The following PLPPR4 variants were observed in gnomAD, a reference collection of about 807,000 sequenced individuals.
PLPPR4 encodes the protein phospholipid phosphatase-related protein type 4.
Under a neutral mutation model 56.6 loss-of-function variants are expected in PLPPR4, and 24 were observed. That is an observed-to-expected ratio of 0.42 (90% confidence interval 0.31 to 0.60). The LOEUF (loss-of-function observed/expected upper bound fraction) is 0.60. Ranked by LOEUF, PLPPR4 falls within the 20% of genes least tolerant of loss-of-function variation. The pLI is 0.13. For missense variants in PLPPR4, 654 were observed against 885.8 expected (o/e 0.74, Z 3.32); for synonymous variants, 326 against 328.1 (o/e 0.99, Z 0.07).
At chr1:99,292,186 A>T (rs950699951) in intron 2 of PLPPR4, among the ~76,000 whole-genome samples, 1 of 152,138 alleles carries the variant, frequency 6.6e-6, no homozygotes, top group African/African-American at 2.4e-5. Flanking sequence ...AGGGTATTTT[A>T]TCAAGTTGCT....
chr1:99,262,942 C>T (rs1174899062), upstream of PLPPR4, among the ~76,000 whole-genome samples: 7 of 152,080 alleles, frequency 4.6e-5, no homozygotes, highest in African/African-American at 1.4e-4. Flanking sequence ...CCAGTCTAGG[C>T]AAGAGATGGC....
At position 99,305,785 on chromosome 1, in the gene PLPPR4, G is replaced by A. The variant is rs1165082454; in HGVS notation, c.923G>A (p.Arg308Gln). ...ACAGACCTCAATCAAGATCCCAACC[G>A]ACTTTTATCTGCTAAAAATGGTAGC... ...SLTDLNQDPN[R>Q]LLSAKNGSSS... The change falls in exon 7 of 7, where the codon CGA becomes CAA. Residue 308 changes from arginine (R) to glutamine (Q), a missense_variant. Arg to Gln is a conservative substitution (Grantham distance 43). This residue lies in a region of PLPPR4 where 468 missense variants were observed against 554.3 expected (regional missense o/e 0.84). Coordinates refer to ENST00000370185, the MANE Select transcript of PLPPR4 (RefSeq NM_014839.5). 4 of 1,613,922 alleles carry A rather than the reference G, an allele frequency of 2.5e-6. No homozygotes were observed. The highest frequency in any genetic ancestry group is 4.5e-5 in the East Asian group (2 of 44,858).
intron 2 of PLPPR4, among the ~76,000 whole-genome samples, chr1:99,289,843 G>A (rs1231128935): frequency 6.6e-6 from 1 of 152,034 alleles, no homozygotes; most frequent in Non-Finnish European, 1.5e-5. Flanking sequence ...CATACTGAAT[G>A]GGCAAAAGCT....
At chr1:99,285,654 C>CA (rs896277660) in intron 1 of PLPPR4, among the ~76,000 whole-genome samples, 24 of 149,454 alleles carry the variant, frequency 1.6e-4, no homozygotes, top group African/African-American at 2.5e-4. Flanking sequence ...TTCCTAACTA[C>CA]AAAAAAAAAG....
intron 6 of PLPPR4, among the ~76,000 whole-genome samples, chr1:99,304,935 TG>T (rs970819764): frequency 2.0e-5 from 3 of 152,146 alleles, no homozygotes; most frequent in African/African-American, 7.2e-5. Context: ...TCCAAATTTT[TG>T]CTTCCCAAAT....
intron 1 of PLPPR4, among the ~76,000 whole-genome samples, chr1:99,287,198 G>A (rs1376028312): frequency 6.6e-6 from 1 of 152,044 alleles, no homozygotes; most frequent in Admixed American, 6.6e-5. Flanking sequence ...TCATCCATGT[G>A]CCTGTAAAGG....
intron 1 of PLPPR4, among the ~76,000 whole-genome samples, chr1:99,273,997 A>G (rs758096797): frequency 1.1e-4 from 16 of 152,042 alleles, no homozygotes; most frequent in Non-Finnish European, 2.1e-4. Context: ...ATAATCTAGG[A>G]CTTACCTATG....
chr1:99,270,981 C>T (rs1570905940), intron 1 of PLPPR4, among the ~76,000 whole-genome samples: 1 of 152,140 alleles, frequency 6.6e-6, no homozygotes, highest in Non-Finnish European at 1.5e-5. Flanking sequence ...ATCTAAGCAT[C>T]GAACATAGCA....
Position 99,278,434 on chromosome 1 carries a change from A to G in PLPPR4, c.79-9531A>G, listed in dbSNP as rs993623554. Among the ~76,000 whole-genome samples the G allele has an allele frequency of 2.6e-5, 4 of 152,324 alleles. No individual in the cohort carries two copies. The South Asian group carries it at 8.3e-4, about 32-fold the overall frequency. Reference sequence around the variant, plus strand: ...ATGGTACCTGTCAAACATTAGTAGCATTAAATTACTATTATTACCCAAATT... The same window carrying G: ...ATGGTACCTGTCAAACATTAGTAGCGTTAAATTACTATTATTACCCAAATT... On this transcript the variant is annotated intron_variant, in intron 1 of 6. Coordinates refer to ENST00000370185, the MANE Select transcript of PLPPR4 (RefSeq NM_014839.5).
chr1:99,283,776 C>A (rs951377210), intron 1 of PLPPR4, among the ~76,000 whole-genome samples: 9 of 150,114 alleles, frequency 6.0e-5, no homozygotes, highest in Admixed American at 2.0e-4. Context: ...ACGGTGAAAC[C>A]GCGTCTCTAC....
upstream of PLPPR4, chr1:99,264,374 G>A: frequency 1.6e-6 from 2 of 1,238,200 alleles, no homozygotes; most frequent in Non-Finnish European, 2.2e-6. Context: ...CCAGACTAGG[G>A]GAGGAAGAGG....
In PLPPR4 at chr1:99,308,234, C is replaced by G. The variant is rs1341659205; in HGVS notation, c.*1224C>G. On this transcript the variant is annotated 3_prime_UTR_variant, in exon 7 of 7. Transcript: ENST00000370185. ...CTAAAACGTTTTTGTTAATTGGACA[C>G]CAAGAGGAAGAATCTGAAAAAAAAA... is the stretch of plus-strand genomic sequence containing the variant. The G allele has an allele frequency of 6.6e-6, 1 of 151,426 alleles. No homozygotes were observed. The highest frequency in any genetic ancestry group is 1.5e-5 in the Non-Finnish European group (1 of 67,922). 9.4% of individuals were successfully genotyped at this position (151,426 alleles called of 1,614,324 possible).
In PLPPR4 at chr1:99,264,543, G is replaced by T; in HGVS notation, c.-51G>T. The T allele has an allele frequency of 6.4e-7, 1 of 1,551,658 alleles. No individual in the cohort carries two copies. Among genetic ancestry groups the T allele is most frequent in the East Asian group, 2.4e-5 (1 of 41,120 alleles). On this transcript the variant is annotated 5_prime_UTR_variant, in exon 1 of 7. Coordinates refer to ENST00000370185, the MANE Select transcript of PLPPR4 (RefSeq NM_014839.5). ...GGAGGAGGCAGCTCGCCTCAGCTGCGCTGTGCACACCTCGCCCGGGGGAGG... is the reference window on the plus strand; with the variant it reads ...GGAGGAGGCAGCTCGCCTCAGCTGCTCTGTGCACACCTCGCCCGGGGGAGG...
chr1:99,276,302 T>C (rs891791009), intron 1 of PLPPR4, among the ~76,000 whole-genome samples: 13 of 152,238 alleles, frequency 8.5e-5, no homozygotes, highest in African/African-American at 2.9e-4. Flanking sequence ...GAGAAATTCC[T>C]TTTCTGGATA....
At chr1:99,287,311 T>C (rs373560740) in intron 1 of PLPPR4, among the ~76,000 whole-genome samples, 1 of 152,170 alleles carries the variant, frequency 6.6e-6, no homozygotes, top group East Asian at 1.9e-4. Flanking sequence ...TTTGTGTTGG[T>C]TCCATGTCTT....
chr1:99,296,908 T>C (rs1227016477), intron 3 of PLPPR4, 41 bp downstream of exon 3: 5 of 1,490,598 alleles, frequency 3.4e-6, no homozygotes, highest in Non-Finnish European at 4.5e-6. Flanking sequence ...TGCTTTTTTT[T>C]TTATATTGAA....
At chr1:99,289,590 G>A (rs753341778) in intron 2 of PLPPR4, among the ~76,000 whole-genome samples, 8 of 151,986 alleles carry the variant, frequency 5.3e-5, no homozygotes, top group Non-Finnish European at 1.2e-4. Context: ...GTGCGATATT[G>A]CTCAGAATAA....
At chr1:99,301,087 C>T (rs1278867624) in intron 5 of PLPPR4, 121 bp downstream of exon 5, 2 of 835,016 alleles carry the variant, frequency 2.4e-6, no homozygotes, top group African/African-American at 3.4e-5. Flanking sequence ...AAATTTAGCA[C>T]TGCAGCCTTT....
At chr1:99,285,288 T>C (rs1659436657) in intron 1 of PLPPR4, among the ~76,000 whole-genome samples, 1 of 152,188 alleles carries the variant, frequency 6.6e-6, no homozygotes, top group Non-Finnish European at 1.5e-5. Flanking sequence ...ATATGTCAAA[T>C]TAATTAAAAT....
Sources: gnomAD v4.1 joint callset for allele counts (sites outside exome capture counted in the v4.1 genomes callset) on GRCh38, gnomAD v4.1.1 for gene constraint, gnomAD v4.1.1 regional missense constraint, MANE v1.5 for transcripts, NCBI Gene and HGNC (gene_info 2026-07-23, HGNC 2026-07-21) for gene names.